GNG7: variants seen among roughly 807,000 people sequenced by gnomAD.
The protein encoded by GNG7 is guanine nucleotide-binding protein G(I)/G(S)/G(O) subunit gamma-7.
Under a neutral mutation model 4.0 loss-of-function variants are expected in GNG7, and 1 was observed. That is an observed-to-expected ratio of 0.25 (90% CI 0.09 to 1.18). The LOEUF is 1.18. GNG7 is among the 50% of genes most tolerant of loss of function. The probability of loss-of-function intolerance (pLI) is 0.50; values close to 1 mark genes in which losing one functional copy is unlikely to be tolerated. For synonymous variants in GNG7, 34 were observed against 36.9 expected (o/e 0.92, Z 0.29); for missense variants, 86 against 91.9 (o/e 0.94, Z 0.26).
intron 1 of GNG7, among the ~76,000 whole-genome samples, chr19:2,666,380 C>A (rs537240945): frequency 4.9e-4 from 74 of 151,688 alleles, no homozygotes; most frequent in African/African-American, 1.6e-3. Context: ...GCCATGTCGG[C>A]CAGGCTGGTC....
chr19:2,691,043 G>A (rs958175998), intron 1 of GNG7, among the ~76,000 whole-genome samples: 1 of 152,172 alleles, frequency 6.6e-6, no homozygotes, highest in Admixed American at 6.5e-5. Flanking sequence ...TTCATCCATT[G>A]TGATTATAAC....
intron 2 of GNG7, among the ~76,000 whole-genome samples, chr19:2,606,646 A>T (rs2144817698): frequency 7.9e-6 from 1 of 126,820 alleles, no homozygotes; most frequent in African/African-American, 3.1e-5. Flanking sequence ...CAAGAGTGAA[A>T]CTCTGTCTCA....
chr19:2,641,379 C>G (rs374523834), intron 2 of GNG7, among the ~76,000 whole-genome samples: 1 of 152,300 alleles, frequency 6.6e-6, no homozygotes, highest in African/African-American at 2.4e-5. Flanking sequence ...AGTTAAGGAT[C>G]GTGAGATAGG....
chr19:2,683,285 G>T (rs923153877), intron 1 of GNG7, among the ~76,000 whole-genome samples: 24 of 151,386 alleles, frequency 1.6e-4, no homozygotes, highest in Non-Finnish European at 2.9e-4. Flanking sequence ...CCCTAGGCCA[G>T]CCTGGGTGGG....
At chr19:2,635,080 G>C (rs142307825) in intron 2 of GNG7, among the ~76,000 whole-genome samples, 5 of 152,194 alleles carry the variant, frequency 3.3e-5, no homozygotes, top group Non-Finnish European at 5.9e-5. Context: ...GGGTGGGGTC[G>C]TCCTGGGCAC....
At chr19:2,640,294 A>G (rs1982472453) in intron 2 of GNG7, among the ~76,000 whole-genome samples, 1 of 152,102 alleles carries the variant, frequency 6.6e-6, no homozygotes, top group Admixed American at 6.5e-5. Context: ...AGACATCAAG[A>G]AAAAGAGAGA....
At position 2,511,650 on chromosome 19, in the gene GNG7, C is replaced by T. The variant is rs1004961460; in HGVS notation, c.*3372G>A. On this transcript the variant is annotated 3_prime_UTR_variant, in exon 5 of 5. Transcript: ENST00000382159. The surrounding 1 kb of genome is among the most constrained non-coding windows in gnomAD (Gnocchi z 6.3). ...TACCTGCCCCAGAACTTGGGCAGGA[C>T]GGGCTGTTAACTTGGAGATGGATGC... is the stretch of plus-strand genomic sequence containing the variant. 5.1e-5 allele frequency: 15 copies of T among 292,462 alleles called. No individual in the cohort carries two copies. Among genetic ancestry groups the T allele is most frequent in the Admixed American group, 4.5e-4 (7 of 15,420 alleles). 18.1% of individuals were successfully genotyped at this position (292,462 alleles called of 1,614,324 possible).
At chr19:2,569,718 G>A (rs894339907) in intron 2 of GNG7, among the ~76,000 whole-genome samples, 1 of 152,182 alleles carries the variant, frequency 6.6e-6, no homozygotes, top group African/African-American at 2.4e-5. Flanking sequence ...AGGGTGCTGA[G>A]CAGCGTCCCT....
At chr19:2,571,887 C>T (rs1476024130) in intron 2 of GNG7, among the ~76,000 whole-genome samples, 2 of 151,998 alleles carry the variant, frequency 1.3e-5, no homozygotes, top group African/African-American at 4.8e-5. Context: ...TGAGCCACTG[C>T]GCCCGGCCAG....
chr19:2,669,780 C>T lies in GNG7; in HGVS notation c.-134-23500G>A, dbSNP rs188951792. Among the ~76,000 whole-genome samples, 377 of 152,080 alleles carry T rather than the reference C, an allele frequency of 2.5e-3. 1 individual carries two copies. Among genetic ancestry groups the T allele is most frequent in the Non-Finnish European group, 4.2e-3 (287 of 67,980 alleles). On this transcript the variant is annotated intron_variant, in intron 1 of 4. Transcript: ENST00000382159. ...ATCCCAGCACTTTGGGAGGCTGAGG[C>T]GGGAGGATCACTTGAGGCCAGGAGT... is the stretch of plus-strand genomic sequence containing the variant.
chr19:2,675,776 T>G (rs1983579803), intron 1 of GNG7, among the ~76,000 whole-genome samples: 1 of 152,104 alleles, frequency 6.6e-6, no homozygotes, highest in Admixed American at 6.6e-5. Context: ...CCAGGGACAC[T>G]GCTCAGCACC....
chr19:2,583,240 T>C (rs936584472), intron 2 of GNG7, among the ~76,000 whole-genome samples: 1 of 152,228 alleles, frequency 6.6e-6, no homozygotes, highest in Non-Finnish European at 1.5e-5. Flanking sequence ...TCTGGAAAAC[T>C]GTCCTAAGGA....
intron 2 of GNG7, among the ~76,000 whole-genome samples, chr19:2,601,136 G>A (rs1016353242): frequency 8.6e-5 from 13 of 151,868 alleles, no homozygotes; most frequent in Admixed American, 7.2e-4. Context: ...CCTCCCCCCC[G>A]CCACCATCTC....
At chr19:2,691,457 T>C (rs972308689) in intron 1 of GNG7, among the ~76,000 whole-genome samples, 1 of 151,814 alleles carries the variant, frequency 6.6e-6, no homozygotes, top group Non-Finnish European at 1.5e-5. Flanking sequence ...GGTGGGAGAA[T>C]CACTTGAGCC....
At chr19:2,640,565 G>C (rs1327481348) in intron 2 of GNG7, among the ~76,000 whole-genome samples, 1 of 152,154 alleles carries the variant, frequency 6.6e-6, no homozygotes, top group Non-Finnish European at 1.5e-5. Flanking sequence ...GAGGCCCATC[G>C]GTGCTGGGCT....
At position 2,635,539 on chromosome 19, in the gene GNG7, A is replaced by T. The variant is rs115179342; in HGVS notation, c.-78+10685T>A. 3.7e-3 allele frequency among the ~76,000 whole-genome samples: 553 copies of T among 151,308 alleles called. 4 individuals are homozygous for T. The highest frequency in any genetic ancestry group is 0.013 in the African/African-American group (520 of 41,236). On this transcript the variant is annotated intron_variant, in intron 2 of 4. Coordinates refer to ENST00000382159, the MANE Select transcript of GNG7 (RefSeq NM_052847.3). ...GCCTCCTGGAACCTCAGAGGTCCAT[A>T]TGATCATGGGACACACCTGAGACCC...
chr19:2,564,467 G>A lies in GNG7; in HGVS notation c.-77-9279C>T, dbSNP rs143145068. 6.2e-3 allele frequency among the ~76,000 whole-genome samples: 936 copies of A among 152,188 alleles called. 10 individuals carry two copies. The highest frequency in any genetic ancestry group is 0.021 in the African/African-American group (885 of 41,542). ...ATGGTGGCGTGCACCTGTACCACTC[G>A]GGAGGCGGAGGCACGAGAATTGCTT... On this transcript the variant is annotated intron_variant, in intron 2 of 4. Coordinates refer to ENST00000382159, the MANE Select transcript of GNG7 (RefSeq NM_052847.3).
chr19:2,688,750 A>C (rs138278354), intron 1 of GNG7, among the ~76,000 whole-genome samples: 1 of 152,034 alleles, frequency 6.6e-6, no homozygotes, highest in Non-Finnish European at 1.5e-5. Flanking sequence ...ACATTTGAAT[A>C]AAGTGTGGAG....
intron 1 of GNG7, among the ~76,000 whole-genome samples, chr19:2,663,721 A>G (rs924091521): frequency 1.3e-5 from 2 of 152,206 alleles, no homozygotes; most frequent in Non-Finnish European, 2.9e-5. Flanking sequence ...GGCCAAGAAA[A>G]TGATTCATTT....
Sources: allele counts gnomAD v4.1 joint callset (sites outside exome capture counted in the v4.1 genomes callset), GRCh38; gene constraint gnomAD v4.1.1; non-coding constraint Gnocchi (gnomAD v3.1); transcripts MANE v1.5; gene names NCBI Gene and HGNC (gene_info 2026-07-23, HGNC 2026-07-21).